Variants in ZFP64 observed in about 807,000 individuals in gnomAD.
ZFP64 encodes the protein ZFP64 zinc finger protein.
Under a neutral mutation model 51.6 loss-of-function variants are expected in ZFP64, and 14 were observed. The ratio of observed to expected loss-of-function variants is 0.27; its 90% confidence interval spans 0.18 to 0.42. The LOEUF (loss-of-function observed/expected upper bound fraction) is 0.42. ZFP64 is among the 10% of genes least tolerant of loss of function. The probability of loss-of-function intolerance (pLI) is 1.00; values close to 1 mark genes in which losing one functional copy is unlikely to be tolerated. For synonymous variants in ZFP64, 375 were observed against 361.4 expected (o/e 1.04, Z -0.43); for missense variants, 754 against 906.8 (o/e 0.83, Z 2.16).
intron 3 of ZFP64, 34 bp downstream of exon 3, chr20:52,165,830 C>T: frequency 6.2e-7 from 1 of 1,613,462 alleles, no homozygotes; most frequent in Non-Finnish European, 8.5e-7. Flanking sequence ...AATATCACAC[C>T]CTCTACACAA....
At chr20:52,112,111 A>C (rs74274966) in intron 5 of ZFP64, among the ~76,000 whole-genome samples, 28,087 of 146,608 alleles carry the variant, frequency 0.19, 3,048 homozygotes, top group Admixed American at 0.25. Context: ...CAAAAAAAAA[A>C]CAAGAATCCC....
At chr20:52,117,372 A>T (rs1978930270) in intron 5 of ZFP64, among the ~76,000 whole-genome samples, 1 of 152,138 alleles carries the variant, frequency 6.6e-6, no homozygotes, top group Admixed American at 6.6e-5. Context: ...TAGTCCCAGC[A>T]CTTTGGGAGG....
chr20:52,150,483 A>T (rs1049985044), downstream of ZFP64, among the ~76,000 whole-genome samples: 5 of 152,212 alleles, frequency 3.3e-5, no homozygotes, highest in African/African-American at 1.2e-4. Flanking sequence ...TGTAAGCAAT[A>T]AGTTTAAAGT....
At chr20:52,105,049 C>G (rs985341357) in intron 5 of ZFP64, 10 of 1,383,998 alleles carry the variant, frequency 7.2e-6, no homozygotes, top group Admixed American at 3.3e-5. Flanking sequence ...GTCCCCTGCC[C>G]GGTCCTCGTA....
intron 2 of ZFP64, among the ~76,000 whole-genome samples, chr20:52,184,566 C>T (rs1983830108): frequency 6.6e-6 from 1 of 152,224 alleles, no homozygotes; most frequent in Non-Finnish European, 1.5e-5. Context: ...AACTTTCCTC[C>T]TTTCCAAAGC....
At chr20:52,179,235 G>A (rs1983447205) in intron 2 of ZFP64, among the ~76,000 whole-genome samples, 1 of 152,142 alleles carries the variant, frequency 6.6e-6, no homozygotes, top group South Asian at 2.1e-4. Flanking sequence ...CTTCTGCCAT[G>A]ACTGTGAGAC....
Position 52,153,300 on chromosome 20 carries a change from T to C in ZFP64, c.892A>G (p.Met298Val). The change falls in exon 6 of 6, where the codon ATG (methionine) becomes GTG (valine). Residue 298 changes from methionine (M) to valine (V), a missense_variant. Physicochemically the swap from Met to Val is conservative, Grantham distance 21. Transcript: ENST00000216923. The surrounding 1 kb of genome is among the most constrained non-coding windows in gnomAD (Gnocchi z 5.1). ...ATGTGCGACTTGAGGTTCCCCTTCA[T>C]GGTGCAGCGGACATTGCAGAACTCG... ...KCEFCNVRCT[M>V]KGNLKSHIRI... 6.2e-7 allele frequency: 1 copy of C among 1,614,196 alleles called. No homozygotes were observed. The highest frequency in any genetic ancestry group is 8.5e-7 in the Non-Finnish European group (1 of 1,180,026).
At chr20:52,129,185 C>A (rs1030320030) in intron 5 of ZFP64, among the ~76,000 whole-genome samples, 1 of 151,862 alleles carries the variant, frequency 6.6e-6, no homozygotes, top group East Asian at 1.9e-4. Context: ...GGGTTCACGC[C>A]GTTCTCCCGC....
intron 5 of ZFP64, among the ~76,000 whole-genome samples, chr20:52,125,330 C>T (rs6021716): frequency 0.46 from 69,952 of 151,936 alleles, 16,748 homozygotes; most frequent in Admixed American, 0.52. Context: ...GAGCCAGGCT[C>T]AGGTGATGGG....
intron 5 of ZFP64, among the ~76,000 whole-genome samples, chr20:52,142,839 CA>C (rs386393987): frequency 0.24 from 12,907 of 54,788 alleles, 1,606 homozygotes; most frequent in African/African-American, 0.46. Context: ...GACTCCATCT[CA>C]AAAAAAAAAA....
At chr20:52,089,971 A>T (rs1023082624) in intron 7 of ZFP64, among the ~76,000 whole-genome samples, 2 of 152,164 alleles carry the variant, frequency 1.3e-5, no homozygotes, top group South Asian at 4.1e-4. Context: ...AAACAAAACA[A>T]AAAGAAAAAG....
chr20:52,159,147 G>A, intron 5 of ZFP64, among the ~76,000 whole-genome samples: 1 of 152,200 alleles, frequency 6.6e-6, no homozygotes, highest in East Asian at 1.9e-4. Flanking sequence ...TCAACTTCCT[G>A]CTGACCTAAA....
intron 5 of ZFP64, among the ~76,000 whole-genome samples, chr20:52,141,399 C>T (rs1980247706): frequency 6.6e-6 from 1 of 151,948 alleles, no homozygotes; most frequent in African/African-American, 2.4e-5. Context: ...GAGGGATTCA[C>T]CATTCTAAAT....
At position 52,153,189 on chromosome 20, in the gene ZFP64, G is replaced by C; in HGVS notation, c.1003C>G (p.Arg335Gly). 1 of 1,614,204 alleles carries C rather than the reference G, an allele frequency of 6.2e-7. No individual in the cohort carries two copies. ...DSKATLRKHSRVHQSEHPEKC... is the reference protein window; with the variant it reads ...DSKATLRKHSGVHQSEHPEKC... ...TCAGGATGCTCCGACTGGTGCACGCGGCTGTGCTTCCGGAGGGTGGCTTTG... is the reference window on the plus strand; with the variant it reads ...TCAGGATGCTCCGACTGGTGCACGCCGCTGTGCTTCCGGAGGGTGGCTTTG... The change falls in exon 6 of 6, where the codon CGC becomes GGC. Residue 335 changes from arginine to glycine, a missense_variant. Physicochemically the swap from Arg to Gly is moderately radical, Grantham distance 125. Coordinates refer to ENST00000216923, the MANE Select transcript of ZFP64 (RefSeq NM_018197.3). The surrounding 1 kb of genome is among the most constrained non-coding windows in gnomAD (Gnocchi z 5.1).
downstream of ZFP64, among the ~76,000 whole-genome samples, chr20:52,147,021 A>T (rs1165799481): frequency 6.6e-6 from 1 of 152,258 alleles, no homozygotes; most frequent in Admixed American, 6.5e-5. Context: ...AACAATTTTA[A>T]GAAGATATTT....
chr20:52,120,654 T>C (rs533362766), intron 5 of ZFP64, among the ~76,000 whole-genome samples: 13 of 143,966 alleles, frequency 9.0e-5, no homozygotes, highest in South Asian at 8.6e-4. Flanking sequence ...TATCTGTTAA[T>C]GTGATCAGTG....
chr20:52,122,945 T>C (rs752379013), intron 5 of ZFP64, among the ~76,000 whole-genome samples: 2 of 152,124 alleles, frequency 1.3e-5, no homozygotes, highest in Non-Finnish European at 2.9e-5. Context: ...GTTTAGAATA[T>C]TGCATAAACT....
At chr20:52,118,047 C>G (rs940975845) in intron 5 of ZFP64, among the ~76,000 whole-genome samples, 1 of 152,102 alleles carries the variant, frequency 6.6e-6, no homozygotes, top group African/African-American at 2.4e-5. Context: ...ATCCTCCTGC[C>G]CAGATCTCCC....
At position 52,160,400 on chromosome 20, in the gene ZFP64, G is replaced by A. The variant is rs752718383; in HGVS notation, c.512-26C>T. The stretch of plus-strand genomic sequence containing the variant: ...CTTCAAACACATACACACACAGATG[G>A]CAGCAGGAAACAAGATTAAAAAAGG... On this transcript the variant is annotated intron_variant, in intron 4 of 5. Coordinates refer to ENST00000216923, the MANE Select transcript of ZFP64 (RefSeq NM_018197.3). The surrounding 1 kb of genome is among the most constrained non-coding windows in gnomAD (Gnocchi z 4.2). The A allele has an allele frequency of 2.1e-5, 33 of 1,573,430 alleles. No homozygotes were observed. The highest frequency in any genetic ancestry group is 2.8e-5 in the Non-Finnish European group (33 of 1,159,334).
Sources: allele counts gnomAD v4.1 joint callset (sites outside exome capture counted in the v4.1 genomes callset), GRCh38; gene constraint gnomAD v4.1.1; non-coding constraint Gnocchi (gnomAD v3.1); transcripts MANE v1.5; gene names NCBI Gene and HGNC (gene_info 2026-07-23, HGNC 2026-07-21).